RABGAP1L: variants seen among roughly 807,000 people sequenced by gnomAD.
The protein encoded by RABGAP1L is rab GTPase-activating protein 1-like.
In RABGAP1L, 63 loss-of-function variants were observed where a neutral mutation model predicts 137.7. The observed-to-expected ratio is 0.46, with a 90% CI of 0.37 to 0.56. The LOEUF is 0.56. Among genes scored for constraint, RABGAP1L ranks in the 20% least tolerant of loss-of-function variants. RABGAP1L has a pLI of 0.00. For synonymous variants in RABGAP1L, 431 were observed against 433.7 expected, an observed-to-expected ratio of 0.99 and a Z score of 0.08; for missense variants, 1,095 against 1,244.0, an observed-to-expected ratio of 0.88 and a Z score of 1.80.
At chr1:174,163,924 G>GGAA (rs1269096674) in intron 1 of RABGAP1L, among the ~76,000 whole-genome samples, 3 of 152,206 alleles carry the variant, frequency 2.0e-5, no homozygotes, top group East Asian at 1.9e-4. Flanking sequence ...TCTTAGTAAT[G>GGAA]GAAGTCTCAT....
At chr1:174,371,623 A>G (rs1166286980) in intron 12 of RABGAP1L, among the ~76,000 whole-genome samples, 1 of 152,084 alleles carries the variant, frequency 6.6e-6, no homozygotes, top group East Asian at 1.9e-4. Flanking sequence ...TTTTATATTT[A>G]TGATACATTT....
chr1:174,788,755 A>G lies in RABGAP1L; in HGVS notation c.2212-23077A>G, dbSNP rs571671030. Among the ~76,000 whole-genome samples the G allele has an allele frequency of 2.0e-5, 3 of 152,292 alleles. No homozygotes were observed. In the South Asian group the frequency reaches 6.2e-4, roughly 32 times the overall value. ...GGGATGAAGTCTTGTTCTGTTGCCCAGGCTGGAGTGCAATGGCATGATCTC... is the reference window on the plus strand; with the variant it reads ...GGGATGAAGTCTTGTTCTGTTGCCCGGGCTGGAGTGCAATGGCATGATCTC... On this transcript the variant is annotated intron_variant, in intron 18 of 25. Transcript: ENST00000681986.
chr1:174,752,111 C>T (rs1684386517), intron 17 of RABGAP1L, among the ~76,000 whole-genome samples: 1 of 151,900 alleles, frequency 6.6e-6, no homozygotes, highest in Non-Finnish European at 1.5e-5. Context: ...TTTATGTGAA[C>T]ATTGATTAAA....
intron 13 of RABGAP1L, among the ~76,000 whole-genome samples, chr1:174,596,757 A>C (rs1260038205): frequency 6.6e-6 from 1 of 152,156 alleles, no homozygotes; most frequent in African/African-American, 2.4e-5. Context: ...ACTATGTTGA[A>C]TAACGGTGGT....
intron 1 of RABGAP1L, among the ~76,000 whole-genome samples, chr1:174,178,748 C>T (rs192854199): frequency 2.4e-4 from 37 of 152,270 alleles, no homozygotes; most frequent in Admixed American, 1.4e-3. Flanking sequence ...AACCAAACAC[C>T]GAATGTTCTC....
intron 19 of RABGAP1L, among the ~76,000 whole-genome samples, chr1:174,859,975 TTC>T (rs761093973): frequency 0.092 from 11,999 of 130,008 alleles, 1,662 homozygotes; most frequent in African/African-American, 0.34. Flanking sequence ...TTTTTTTTTT[TTC>T]CAAATAAAGT....
chr1:174,220,360 C>A (rs934957515), intron 2 of RABGAP1L, among the ~76,000 whole-genome samples: 14 of 151,782 alleles, frequency 9.2e-5, no homozygotes, highest in African/African-American at 3.4e-4. Context: ...AGGGTGTGTT[C>A]CTAAAAAAGA....
chr1:174,588,202 C>T (rs1484196815), intron 13 of RABGAP1L, among the ~76,000 whole-genome samples: 1 of 150,938 alleles, frequency 6.6e-6, no homozygotes, highest in African/African-American at 2.4e-5. Context: ...CTTGCTCTGT[C>T]ACCCAGGCTG....
chr1:174,548,051 G>T, intron 13 of RABGAP1L: 1 of 1,550,422 alleles, frequency 6.4e-7, no homozygotes, highest in South Asian at 1.2e-5. Context: ...CTTAATGCCT[G>T]TTAAATGCGT....
At chr1:174,411,227 C>G (rs1021061517) in intron 13 of RABGAP1L, among the ~76,000 whole-genome samples, 1 of 151,990 alleles carries the variant, frequency 6.6e-6, no homozygotes, top group African/African-American at 2.4e-5. Context: ...GGATGCCTTT[C>G]TTTCTCTTGC....
chr1:174,869,443 T>G (rs141816798), intron 19 of RABGAP1L, among the ~76,000 whole-genome samples: 1 of 152,292 alleles, frequency 6.6e-6, no homozygotes, highest in African/African-American at 2.4e-5. Context: ...CCTGCCGCCA[T>G]GTGAAGAAGG....
intron 8 of RABGAP1L, among the ~76,000 whole-genome samples, chr1:174,272,876 T>C: frequency 6.6e-6 from 1 of 152,062 alleles, no homozygotes; most frequent in East Asian, 1.9e-4. Context: ...TTGTTTTCTT[T>C]AAAGCGTTTC....
Position 174,665,704 on chromosome 1 carries a change from A to G in RABGAP1L, c.1825-17818A>G, listed in dbSNP as rs1676740701. Among the ~76,000 whole-genome samples the G allele has an allele frequency of 4.6e-5, 7 of 152,326 alleles. No individual in the cohort carries two copies. The South Asian group carries it at 1.4e-3, about 32-fold the overall frequency. On this transcript the variant is annotated intron_variant, in intron 14 of 25. Transcript: ENST00000681986. ...GGTCTTGAACTCCTGACCTCAGGTG[A>G]TCCGCCTGCCTTGGCCTCCCAAAGT... is the stretch of plus-strand genomic sequence containing the variant.
chr1:174,623,498 C>T (rs1382820418), intron 13 of RABGAP1L, among the ~76,000 whole-genome samples: 5 of 152,146 alleles, frequency 3.3e-5, no homozygotes, highest in Admixed American at 3.3e-4. Context: ...AGATTAAAGC[C>T]AGCCAAGGGA....
At chr1:174,736,071 C>T (rs1251104352) in intron 17 of RABGAP1L, among the ~76,000 whole-genome samples, 2 of 152,166 alleles carry the variant, frequency 1.3e-5, no homozygotes, top group Non-Finnish European at 2.9e-5. Context: ...CTGTAAAATC[C>T]AACCGGCCCT....
intron 12 of RABGAP1L, among the ~76,000 whole-genome samples, chr1:174,373,459 G>T (rs997937403): frequency 1.3e-5 from 2 of 152,174 alleles, no homozygotes; most frequent in Non-Finnish European, 2.9e-5. Flanking sequence ...CAGAGTCTAG[G>T]AACTCAGAGG....
chr1:174,616,366 G>A (rs1477216331), intron 13 of RABGAP1L, among the ~76,000 whole-genome samples: 5 of 152,234 alleles, frequency 3.3e-5, no homozygotes, highest in African/African-American at 1.2e-4. Context: ...AAACTTCAAA[G>A]CAAACATTTT....
intron 19 of RABGAP1L, among the ~76,000 whole-genome samples, chr1:174,863,983 A>G (rs1650763841): frequency 6.6e-6 from 1 of 152,178 alleles, no homozygotes; most frequent in Non-Finnish European, 1.5e-5. Flanking sequence ...CTGTCACAGA[A>G]AAAAAAAGTT....
chr1:174,664,730 C>CTTTTTT lies in RABGAP1L; in HGVS notation c.1825-18789_1825-18788insTTTTTT, dbSNP rs747671420. On this transcript the variant is annotated intron_variant, in intron 14 of 25. Transcript: ENST00000681986. ...CTCTCTCTTTCTTTCTTTCTTTCTG[C>CTTTTTT]TTTCTTTTTTTTTTTTTTTTTTTTT... 1.9e-3 allele frequency among the ~76,000 whole-genome samples: 185 copies of CTTTTTT among 98,848 alleles called. 6 individuals are homozygous for CTTTTTT. The highest frequency in any genetic ancestry group is 3.3e-3 in the African/African-American group (52 of 15,664). 64.8% of individuals were successfully genotyped at this position (98,848 alleles called of 152,430 possible). A position where few individuals can be genotyped will look rare whatever the true frequency, so the allele number is the denominator to read the frequency against.
Sources: gnomAD v4.1 joint callset for allele counts (sites outside exome capture counted in the v4.1 genomes callset) on GRCh38, gnomAD v4.1.1 for gene constraint, MANE v1.5 for transcripts, NCBI Gene and HGNC (gene_info 2026-07-23, HGNC 2026-07-21) for gene names.